Variants in METAP2 observed in about 807,000 individuals in gnomAD.
METAP2 encodes the protein methionine aminopeptidase 2.
METAP2 carries 25 observed loss-of-function variants against 59.4 expected under a neutral mutation model. That is an observed-to-expected ratio of 0.42 (90% CI 0.31 to 0.59). METAP2 has a LOEUF of 0.59. METAP2 is among the 20% of genes least tolerant of loss of function. The pLI is 0.16. For missense variants in METAP2, 366 were observed against 581.2 expected, an observed-to-expected ratio of 0.63 and a Z score of 3.81; for synonymous variants, 214 against 194.1, an observed-to-expected ratio of 1.10 and a Z score of -0.85.
chr12:95,482,907 G>T (rs2076169395), intron 2 of METAP2, among the ~76,000 whole-genome samples: 1 of 152,124 alleles, frequency 6.6e-6, no homozygotes, highest in Non-Finnish European at 1.5e-5. Context: ...TTGCTAAACT[G>T]CTGCTTCCTG....
At chr12:95,477,531 C>T (rs2076129207) in intron 2 of METAP2, among the ~76,000 whole-genome samples, 1 of 152,174 alleles carries the variant, frequency 6.6e-6, no homozygotes, top group Admixed American at 6.5e-5. Context: ...TTAAAGACAG[C>T]AACTGCTAAT....
rs146566967 is a variant in METAP2 at position 95,499,570 on chromosome 12, A to ATT, written c.867+3481_867+3482dup. Among the ~76,000 whole-genome samples the ATT allele has an allele frequency of 4.9e-3, 718 of 147,240 alleles. 8 individuals carry two copies. Among genetic ancestry groups the ATT allele is most frequent in the African/African-American group, 0.017 (685 of 39,942 alleles). ...TCTTGGGATTCCATACGAATTTAGG[A>ATT]TTTTTTTTTTCTGCAAAAAACACCA... On this transcript the variant is annotated intron_variant, in intron 7 of 10. Coordinates refer to ENST00000323666, the MANE Select transcript of METAP2 (RefSeq NM_006838.4).
Position 95,479,986 on chromosome 12 carries a change from G to T in METAP2, c.260-3229G>T, listed in dbSNP as rs142199462. 4.6e-4 allele frequency among the ~76,000 whole-genome samples: 70 copies of T among 152,272 alleles called. No homozygotes were observed. In the East Asian group the frequency reaches 0.012, roughly 27 times the overall value. On this transcript the variant is annotated intron_variant, in intron 2 of 10. Transcript: ENST00000323666. ...CAATTGTGTAACTACTACCACGACGGAAGATACAGACTATTTCCATTTAAC... is the reference window on the plus strand; with the variant it reads ...CAATTGTGTAACTACTACCACGACGTAAGATACAGACTATTTCCATTTAAC...
At position 95,476,183 on chromosome 12, in the gene METAP2, A is replaced by G. The variant is rs1418933678; in HGVS notation, c.259+5A>G. Reference sequence around the variant, plus strand: ...AAAGAGATGAAGATGATGAAGGTAAATGGTTAATTTGATCTTTGTGGTTAG... The same window carrying G: ...AAAGAGATGAAGATGATGAAGGTAAGTGGTTAATTTGATCTTTGTGGTTAG... On this transcript the variant is annotated splice_donor_5th_base_variant and intron_variant, in intron 2 of 10. Transcript: ENST00000323666. The G allele has an allele frequency of 1.3e-6, 2 of 1,564,458 alleles. No homozygotes were observed. Among genetic ancestry groups the G allele is most frequent in the Admixed American group, 3.5e-5 (2 of 57,608 alleles).
intron 1 of METAP2, 101 bp downstream of exon 1, chr12:95,474,431 C>A: frequency 1.5e-6 from 2 of 1,292,894 alleles, no homozygotes; most frequent in Non-Finnish European, 2.1e-6. Context: ...AGAGCCCCGA[C>A]TAGACTGATT....
chr12:95,478,206 A>T (rs2076134808), intron 2 of METAP2, among the ~76,000 whole-genome samples: 1 of 152,192 alleles, frequency 6.6e-6, no homozygotes, highest in South Asian at 2.1e-4. Flanking sequence ...TCAGGTTGGA[A>T]ATCTTCAATG....
chr12:95,486,134 A>G (rs1245083637), intron 4 of METAP2, among the ~76,000 whole-genome samples, 153 bp downstream of exon 4: 4 of 152,244 alleles, frequency 2.6e-5, no homozygotes, highest in Non-Finnish European at 4.4e-5. Context: ...CTCTTATCCA[A>G]AATGATTGGG....
Position 95,485,958 on chromosome 12 carries a change from C to T in METAP2, c.405C>T (p.Cys135=), listed in dbSNP as rs2305293. 95,514 of 1,584,268 alleles carry T rather than the reference C, an allele frequency of 0.06. 3,283 individuals are homozygous for T. Among genetic ancestry groups the T allele is most frequent in the Non-Finnish European group, 0.068 (79,693 of 1,165,090 alleles). Residue 135 remains cysteine, a synonymous_variant, in exon 4 of 11, where the codon TGC becomes TGT. Transcript: ENST00000323666. ...PNGVFPKGQE[C]EYPPTQDGRT... The stretch of plus-strand genomic sequence containing the variant: ...GTGTATTTCCCAAAGGACAAGAATG[C>T]GAATACCCACCCACACAAGATGGGT...
At chr12:95,488,380 G>T (rs537009750) in intron 4 of METAP2, among the ~76,000 whole-genome samples, 2 of 151,556 alleles carry the variant, frequency 1.3e-5, no homozygotes, top group Non-Finnish European at 2.9e-5. Flanking sequence ...GCAGTGGTGC[G>T]TGCCTGTAAT....
At chr12:95,476,913 G>A (rs77064399) in intron 2 of METAP2, among the ~76,000 whole-genome samples, 13,209 of 152,002 alleles carry the variant, frequency 0.087, 809 homozygotes, top group African/African-American at 0.17. Flanking sequence ...TTTGTTTTTT[G>A]GTAATGGACT....
In METAP2 at chr12:95,514,007, C is replaced by A; in HGVS notation, c.*103C>A. The A allele has an allele frequency of 2.4e-6, 3 of 1,254,328 alleles. No individual in the cohort carries two copies. Among genetic ancestry groups the A allele is most frequent in the South Asian group, 1.6e-5 (1 of 61,434 alleles). The allele number at this position is 1,254,328 out of a possible 1,614,324, so 77.7% of individuals were successfully genotyped here. A position where few individuals can be genotyped will look rare whatever the true frequency, so the allele number is the denominator to read the frequency against. On this transcript the variant is annotated 3_prime_UTR_variant, in exon 11 of 11. Coordinates refer to ENST00000323666, the MANE Select transcript of METAP2 (RefSeq NM_006838.4). The stretch of plus-strand genomic sequence containing the variant: ...ATGTTGTCTGTTTTAACAGTGGACC[C>A]ATGTAATACTTTTATCCATGTTTAA...
intron 4 of METAP2, 150 bp downstream of exon 4, chr12:95,486,131 C>T: frequency 1.8e-6 from 1 of 570,332 alleles, no homozygotes; most frequent in Non-Finnish European, 3.0e-6. Flanking sequence ...GCCCTCTTAT[C>T]CAAAATGATT....
At position 95,515,766 on chromosome 12, in the gene METAP2, GT is replaced by G. The variant is rs2076443802; in HGVS notation, c.*1863del. The G allele has an allele frequency of 6.6e-6, 1 of 152,162 alleles. No homozygotes were observed. The highest frequency in any genetic ancestry group is 1.5e-5 in the Non-Finnish European group (1 of 68,028). 9.4% of individuals were successfully genotyped at this position (152,162 alleles called of 1,614,324 possible). A position where few individuals can be genotyped will look rare whatever the true frequency, so the allele number is the denominator to read the frequency against. ...AAAATTTTGTTATGTTTACAACGATGTACCTTATTGGCAACAAGTTATTAGT... is the reference window on the plus strand; with the variant it reads ...AAAATTTTGTTATGTTTACAACGATGACCTTATTGGCAACAAGTTATTAGT... On this transcript the variant is annotated 3_prime_UTR_variant, in exon 11 of 11. Coordinates refer to ENST00000323666, the MANE Select transcript of METAP2 (RefSeq NM_006838.4).
chr12:95,487,100 A>C (rs2076203004), intron 4 of METAP2, among the ~76,000 whole-genome samples: 1 of 152,238 alleles, frequency 6.6e-6, no homozygotes, highest in Admixed American at 6.5e-5. Flanking sequence ...TGATATATGC[A>C]TAGCACTTAG....
intron 8 of METAP2, among the ~76,000 whole-genome samples, chr12:95,509,034 G>C (rs1348590693): frequency 1.3e-5 from 2 of 152,136 alleles, no homozygotes; most frequent in African/African-American, 4.8e-5. Context: ...GCCATCAAAG[G>C]AGTATCTTAA....
intron 8 of METAP2, among the ~76,000 whole-genome samples, chr12:95,505,152 T>G (rs2076348317): frequency 6.6e-6 from 1 of 152,234 alleles, no homozygotes; most frequent in African/African-American, 2.4e-5. Context: ...TGTTGTTTTC[T>G]TGCCTCTTAG....
intron 7 of METAP2, among the ~76,000 whole-genome samples, chr12:95,502,307 G>C (rs1337683318): frequency 2.0e-5 from 3 of 152,044 alleles, no homozygotes; most frequent in Non-Finnish European, 4.4e-5. Context: ...CGCCTAGCCT[G>C]ATTTCTTTCT....
chr12:95,498,088 G>T (rs188061037), intron 7 of METAP2, among the ~76,000 whole-genome samples: 1 of 149,926 alleles, frequency 6.7e-6, no homozygotes, highest in Non-Finnish European at 1.5e-5. Context: ...AGCCGAGATC[G>T]CCCCACTGCA....
chr12:95,508,033 C>T (rs934964118), intron 8 of METAP2, among the ~76,000 whole-genome samples: 19 of 151,154 alleles, frequency 1.3e-4, no homozygotes, highest in African/African-American at 2.0e-4. Context: ...CTGCCTGCCT[C>T]GGCCTCCCAA....
Sources: allele counts gnomAD v4.1 joint callset (sites outside exome capture counted in the v4.1 genomes callset), GRCh38; gene constraint gnomAD v4.1.1; transcripts MANE v1.5; gene names NCBI Gene and HGNC (gene_info 2026-07-23, HGNC 2026-07-21).